CRIPTO: variants seen among roughly 807,000 people sequenced by gnomAD.
CRIPTO encodes the protein cripto, EGF-CFC family member.
At chr3:46,579,146 C>A in the CRIPTO span, 1 of 1,614,072 alleles carries the variant, frequency 6.2e-7, no homozygotes, top group Non-Finnish European at 8.5e-7. Context: ...GATTAGTTGC[C>A]GGTGAGAGAC....
At chr3:46,580,057 T>TGTGGTAAGC in the CRIPTO span, 5 of 1,614,146 alleles carry the variant, frequency 3.1e-6, no homozygotes, top group Non-Finnish European at 4.2e-6. Flanking sequence ...TCTACCCGGC[T>TGTGGTAAGC]GTGGTAAGCG....
At chr3:46,578,073 T>G in the CRIPTO span, 1 of 1,516,204 alleles carries the variant, frequency 6.6e-7, no homozygotes, top group Non-Finnish European at 9.2e-7. Context: ...AGTAATGTTC[T>G]ACACCTGTCA....
At chr3:46,578,017 C>A in the CRIPTO span, 1 of 1,613,978 alleles carries the variant, frequency 6.2e-7, no homozygotes, top group South Asian at 1.1e-5. Flanking sequence ...ATGAGCTAAT[C>A]TTGAATGTGA....
At chr3:46,581,733 G>A in the CRIPTO span, 4 of 383,538 alleles carry the variant, frequency 1.0e-5, no homozygotes, top group South Asian at 6.2e-5. Flanking sequence ...GTCTGGTCTC[G>A]AACTCCTGAC....
chr3:46,579,402 C>A, the CRIPTO span: 3 of 1,613,938 alleles, frequency 1.9e-6, no homozygotes, highest in Non-Finnish European at 2.5e-6. Context: ...TCTGCCCTGG[C>A]CCTTCATGTG....
chr3:46,577,539 CT>C, the CRIPTO span: 35 of 185,970 alleles, frequency 1.9e-4, no homozygotes, highest in South Asian at 1.0e-3. Context: ...TTTCTTTTTT[CT>C]TTTTTTTTCC....
At chr3:46,579,839 C>T in the CRIPTO span, 5 of 1,614,002 alleles carry the variant, frequency 3.1e-6, no homozygotes, top group Admixed American at 1.7e-5. Context: ...ACTGTGAGCA[C>T]GATGTGCGCA....
At chr3:46,581,088 G>T in the CRIPTO span, 4 of 1,439,038 alleles carry the variant, frequency 2.8e-6, no homozygotes, top group Non-Finnish European at 3.9e-6. Flanking sequence ...AGGATGAACT[G>T]CCAGAGAGGT....
chr3:46,579,642 G>A, the CRIPTO span: 1 of 1,334,366 alleles, frequency 7.5e-7, no homozygotes, highest in Non-Finnish European at 1.1e-6. Flanking sequence ...GACTTACTCT[G>A]ATACAACACA....
At chr3:46,579,772 G>C in the CRIPTO span, 1 of 1,613,120 alleles carries the variant, frequency 6.2e-7, no homozygotes, top group East Asian at 2.2e-5. Context: ...TGCCTGAATG[G>C]GGGAACCTGC....
chr3:46,579,270 T>G, the CRIPTO span: 65,025 of 1,614,158 alleles, frequency 0.04, 2,508 homozygotes, highest in East Asian at 0.16. Flanking sequence ...ATCTCGGGGA[T>G]ACCTGGCCTT....
At chr3:46,581,538 C>T in the CRIPTO span, 2 of 586,988 alleles carry the variant, frequency 3.4e-6, no homozygotes, top group African/African-American at 4.0e-5. Flanking sequence ...GAGACGGAGT[C>T]TCACTCTGTC....
chr3:46,579,148 G>A, the CRIPTO span: 2 of 1,614,148 alleles, frequency 1.2e-6, no homozygotes, highest in East Asian at 4.5e-5. Context: ...TTAGTTGCCG[G>A]TGAGAGACCT....
chr3:46,580,519 AC>A, the CRIPTO span, among the ~76,000 whole-genome samples: 2 of 151,554 alleles, frequency 1.3e-5, no homozygotes, highest in African/African-American at 4.8e-5. Context: ...GTCCCTGGTA[AC>A]CCCCTCCCCA....
chr3:46,580,117 G>T, the CRIPTO span: 2 of 1,612,230 alleles, frequency 1.2e-6, no homozygotes, highest in South Asian at 1.1e-5. Flanking sequence ...TTGCCTTGGG[G>T]GGTGCTTAGT....
At chr3:46,577,810 C>T in the CRIPTO span, 113 of 841,974 alleles carry the variant, frequency 1.3e-4, no homozygotes, top group Non-Finnish European at 2.1e-4. Flanking sequence ...ACGCCTTGCT[C>T]CTGCTTCTGC....
chr3:46,574,817 T>C, the CRIPTO span, among the ~76,000 whole-genome samples: 7 of 152,276 alleles, frequency 4.6e-5, no homozygotes, highest in Admixed American at 3.3e-4. Context: ...TTGATTATGA[T>C]GTATTTCATT....
chr3:46,576,711 G>A, the CRIPTO span, among the ~76,000 whole-genome samples: 2 of 152,270 alleles, frequency 1.3e-5, no homozygotes, highest in South Asian at 4.1e-4. Flanking sequence ...TAACCGTCAG[G>A]CTTTCCTTTA....
At chr3:46,576,122 C>T in the CRIPTO span, among the ~76,000 whole-genome samples, 1 of 152,164 alleles carries the variant, frequency 6.6e-6, no homozygotes, top group Non-Finnish European at 1.5e-5. Context: ...CCACCATTGA[C>T]TGGATGGGGC....
Sources: allele counts gnomAD v4.1 joint callset (sites outside exome capture counted in the v4.1 genomes callset), GRCh38; gene constraint gnomAD v4.1.1; transcripts MANE v1.5; gene names NCBI Gene and HGNC (gene_info 2026-07-23, HGNC 2026-07-21).